EFCAB5: variants seen among roughly 807,000 people sequenced by gnomAD.
EFCAB5 encodes EF-hand calcium-binding domain-containing protein 5.
A neutral mutation model predicts 167.9 loss-of-function variants in EFCAB5; 131 were observed. The observed-to-expected ratio is 0.78, with a 90% CI of 0.68 to 0.90. The LOEUF is 0.90. EFCAB5 is among the 40% of genes least tolerant of loss of function. The probability of loss-of-function intolerance (pLI) is 0.00; values close to 1 mark genes in which losing one functional copy is unlikely to be tolerated. For missense variants in EFCAB5, 1,663 were observed against 1,745.2 expected (o/e 0.95, Z 0.84); for synonymous variants, 574 against 602.8 (o/e 0.95, Z 0.70).
chr17:30,029,561 C>A (rs1271555985), intron 7 of EFCAB5, among the ~76,000 whole-genome samples: 3 of 140,734 alleles, frequency 2.1e-5, no homozygotes, highest in Non-Finnish European at 3.1e-5. Context: ...TAGCACTAAT[C>A]TTTTTTTTTT....
In EFCAB5 at chr17:29,969,130, A is replaced by G; in HGVS notation, c.530A>G (p.Lys177Arg). 1 of 1,613,900 alleles carries G rather than the reference A, an allele frequency of 6.2e-7. No homozygotes were observed. The highest frequency in any genetic ancestry group is 8.5e-7 in the Non-Finnish European group (1 of 1,179,840). Residue 177 changes from lysine (K) to arginine (R), a missense_variant, in exon 4 of 23, where the codon AAA (lysine) becomes AGA (arginine). Coordinates refer to ENST00000394835, the MANE Select transcript of EFCAB5 (RefSeq NM_198529.4). ...TLNNTAYLLD[K>R]LLPTLVPGVE... ...AATAATACTGCATATTTGCTTGACA[A>G]ACTTCTACCCACCTTAGTTCCTGGA...
At chr17:30,010,108 C>A (rs890368660) in intron 7 of EFCAB5, among the ~76,000 whole-genome samples, 5 of 152,184 alleles carry the variant, frequency 3.3e-5, no homozygotes, top group Non-Finnish European at 7.3e-5. Context: ...TTTCCAGCTT[C>A]ATCCATGTCC....
chr17:29,991,251 G>A (rs982580435), intron 4 of EFCAB5, among the ~76,000 whole-genome samples: 8 of 152,102 alleles, frequency 5.3e-5, no homozygotes, highest in South Asian at 2.1e-4. Context: ...ATGTATGGGC[G>A]CCATTTGCTG....
chr17:30,108,058 G>T lies in EFCAB5; in HGVS notation c.*34G>T. ...GATAATGGAATTGATACTGTATTTA[G>T]GATCCTTTGTTTGTTATCAGTTTTG... On this transcript the variant is annotated 3_prime_UTR_variant, in exon 23 of 23. Transcript: ENST00000394835. The T allele has an allele frequency of 1.3e-6, 2 of 1,554,360 alleles. No individual in the cohort carries two copies. Among genetic ancestry groups the T allele is most frequent in the Non-Finnish European group, 1.7e-6 (2 of 1,158,904 alleles).
At position 30,026,223 on chromosome 17, in the gene EFCAB5, C is replaced by T. The variant is rs149581147; in HGVS notation, c.1045-8007C>T. ...TAAATAATCAGAACACTTTGATCCC[C>T]AAAAGACAACTCATTCCAAGAGACA... is the stretch of plus-strand genomic sequence containing the variant. On this transcript the variant is annotated intron_variant, in intron 7 of 22. Transcript: ENST00000394835. Among the ~76,000 whole-genome samples the T allele has an allele frequency of 3.3e-5, 5 of 151,940 alleles. No individual in the cohort carries two copies. In the East Asian group the frequency reaches 9.6e-4, roughly 29 times the overall value.
intron 10 of EFCAB5, among the ~76,000 whole-genome samples, chr17:30,055,114 A>G (rs1265805896): frequency 6.6e-6 from 1 of 151,948 alleles, no homozygotes; most frequent in African/African-American, 2.4e-5. Context: ...CCTGAGCAAC[A>G]TGGCGAAACG....
chr17:30,053,251 T>G lies in EFCAB5; in HGVS notation c.1301-4T>G. 1 of 1,591,414 alleles carries G rather than the reference T, an allele frequency of 6.3e-7. No homozygotes were observed. Reference sequence around the variant, plus strand: ...TTAAGTGAATATTTTGTTTTCTGCATTAGGGCCATTCATTGAATTTGAAGA... The same window carrying G: ...TTAAGTGAATATTTTGTTTTCTGCAGTAGGGCCATTCATTGAATTTGAAGA... On this transcript the variant is annotated splice_polypyrimidine_tract_variant and splice_region_variant and intron_variant, in intron 9 of 22. Transcript: ENST00000394835.
At chr17:30,060,728 C>T (rs1011254430) in intron 14 of EFCAB5, among the ~76,000 whole-genome samples, 1 of 152,202 alleles carries the variant, frequency 6.6e-6, no homozygotes, top group Non-Finnish European at 1.5e-5. Flanking sequence ...TCTTAGGATA[C>T]ATCCAATGAG....
intron 8 of EFCAB5, among the ~76,000 whole-genome samples, chr17:30,042,992 A>C (rs920619338): frequency 2.0e-5 from 3 of 152,130 alleles, no homozygotes; most frequent in Non-Finnish European, 4.4e-5. Context: ...AACATTCAAA[A>C]ATCAGAGCTG....
intron 14 of EFCAB5, chr17:30,069,737 G>A: frequency 1.2e-6 from 1 of 813,156 alleles, no homozygotes; most frequent in Non-Finnish European, 2.0e-6. Flanking sequence ...GCTGGAGCAT[G>A]GTATGACCAC....
intron 14 of EFCAB5, chr17:30,073,095 C>CA: frequency 1.5e-6 from 1 of 674,944 alleles, no homozygotes; most frequent in Non-Finnish European, 2.7e-6. Context: ...CTCACTCTGT[C>CA]GCCAGGCTGG....
intron 3 of EFCAB5, among the ~76,000 whole-genome samples, chr17:29,950,279 CCTTCCTTCCTTCCTTCCTCT>C (rs1759644089): frequency 6.8e-6 from 1 of 146,338 alleles, no homozygotes; most frequent in Admixed American, 6.9e-5. Flanking sequence ...TTCTTCCTTT[CCTTCCTTCCTTCCTTCCTCT>C]CTTCCTTCCT....
chr17:30,076,400 A>C (rs141418081), intron 14 of EFCAB5, among the ~76,000 whole-genome samples: 76 of 152,358 alleles, frequency 5.0e-4, no homozygotes, highest in Admixed American at 2.0e-3. Flanking sequence ...CAAACACATG[A>C]TCAGAGATGG....
At chr17:29,995,192 G>A (rs1477727815) in intron 5 of EFCAB5, among the ~76,000 whole-genome samples, 2 of 152,180 alleles carry the variant, frequency 1.3e-5, no homozygotes, top group African/African-American at 4.8e-5. Flanking sequence ...CTTGTTTGAT[G>A]AGAAGAATGA....
intron 9 of EFCAB5, 113 bp downstream of exon 9, chr17:30,051,330 C>G (rs2070091219): frequency 1.2e-6 from 1 of 820,894 alleles, no homozygotes; most frequent in Non-Finnish European, 1.9e-6. Context: ...CCATGGAATC[C>G]CTTCACATAA....
chr17:29,931,574 A>G (rs1162365339), intron 1 of EFCAB5, among the ~76,000 whole-genome samples: 2 of 152,148 alleles, frequency 1.3e-5, no homozygotes, highest in Non-Finnish European at 2.9e-5. Flanking sequence ...ACAAAATTAA[A>G]CAAAGATGTA....
intron 7 of EFCAB5, among the ~76,000 whole-genome samples, chr17:30,026,487 G>T (rs1483837507): frequency 6.6e-6 from 1 of 151,988 alleles, no homozygotes; most frequent in Non-Finnish European, 1.5e-5. Flanking sequence ...TGGTTAATTT[G>T]TTTACCAGCA....
At chr17:30,011,522 T>C (rs2068901283) in intron 7 of EFCAB5, among the ~76,000 whole-genome samples, 1 of 152,210 alleles carries the variant, frequency 6.6e-6, no homozygotes, top group African/African-American at 2.4e-5. Flanking sequence ...GTCCTTCACA[T>C]CCCTTGTAAG....
At chr17:29,981,272 C>G (rs1295686498) in intron 4 of EFCAB5, among the ~76,000 whole-genome samples, 3 of 152,126 alleles carry the variant, frequency 2.0e-5, no homozygotes, top group Non-Finnish European at 4.4e-5. Flanking sequence ...CCTGCTTTTC[C>G]AAGCTTGGCT....
Sources: allele counts gnomAD v4.1 joint callset (sites outside exome capture counted in the v4.1 genomes callset), GRCh38; gene constraint gnomAD v4.1.1; transcripts MANE v1.5; gene names NCBI Gene and HGNC (gene_info 2026-07-23, HGNC 2026-07-21).